The following TRIM24 variants were observed in gnomAD, a reference collection of about 807,000 sequenced individuals.
The protein encoded by TRIM24 is tripartite motif containing 24.
A neutral mutation model predicts 123.9 loss-of-function variants in TRIM24; 29 were observed. The observed-to-expected ratio is 0.23, with a 90% CI of 0.17 to 0.32. TRIM24 has a LOEUF of 0.32. Ranked by LOEUF, TRIM24 falls within the 10% of genes least tolerant of loss-of-function variation. The pLI, the probability that TRIM24 is intolerant of heterozygous loss-of-function variation, is 1.00. For synonymous variants in TRIM24, 456 were observed against 461.1 expected, an observed-to-expected ratio of 0.99 and a Z score of 0.14; for missense variants, 932 against 1,295.3, an observed-to-expected ratio of 0.72 and a Z score of 4.31.
At position 138,538,775 on chromosome 7, in the gene TRIM24, G is replaced by A. The variant is rs757800938; in HGVS notation, c.1115G>A (p.Ser372Asn). Residue 372 changes from serine to asparagine, a missense_variant, in exon 7 of 19, where the codon AGT becomes AAT. Transcript: ENST00000343526. Reference protein sequence around the residue: ...FSKWAVSSGSSTALLYSKRLI... With the variant: ...FSKWAVSSGSNTALLYSKRLI... ...AAATGGGCAGTTTCCAGTGGCAGCA[G>A]TACAGCATTACTTTATAGCAAACGA... 1 of 1,613,724 alleles carries A rather than the reference G, an allele frequency of 6.2e-7. No homozygotes were observed. Among genetic ancestry groups the A allele is most frequent in the Non-Finnish European group, 8.5e-7 (1 of 1,179,784 alleles).
At chr7:138,577,299 C>G (rs1407468143) in intron 13 of TRIM24, 121 bp from the exon 14 acceptor site, 1 of 703,150 alleles carries the variant, frequency 1.4e-6, no homozygotes, top group Non-Finnish European at 2.1e-6. Flanking sequence ...TCATTAATTG[C>G]TGATGTTAAC....
intron 2 of TRIM24, among the ~76,000 whole-genome samples, chr7:138,508,037 G>A (rs1352030737): frequency 6.6e-6 from 1 of 151,874 alleles, no homozygotes; most frequent in East Asian, 1.9e-4. Flanking sequence ...TTTAAACAAT[G>A]GTTTGTTTCT....
intron 12 of TRIM24, among the ~76,000 whole-genome samples, chr7:138,574,663 C>T (rs1019596657): frequency 6.6e-6 from 1 of 152,054 alleles, no homozygotes; most frequent in Admixed American, 6.6e-5. Flanking sequence ...TAAAAATAGT[C>T]ATTGAGAATG....
intron 5 of TRIM24, among the ~76,000 whole-genome samples, chr7:138,527,130 A>G (rs986034060): frequency 6.6e-6 from 1 of 152,114 alleles, no homozygotes; most frequent in Non-Finnish European, 1.5e-5. Context: ...ACCTTTATAG[A>G]CCATATATAT....
At chr7:138,508,711 G>GTGCGTGTA (rs1346962400) in intron 2 of TRIM24, among the ~76,000 whole-genome samples, 1 of 140,424 alleles carries the variant, frequency 7.1e-6, no homozygotes, top group African/African-American at 2.6e-5. Context: ...GTGTGTGCGT[G>GTGCGTGTA]TGTGTGTGCG....
intron 11 of TRIM24, among the ~76,000 whole-genome samples, chr7:138,572,047 G>A (rs1281424018): frequency 6.6e-6 from 1 of 151,986 alleles, no homozygotes; most frequent in East Asian, 1.9e-4. Context: ...TCTTTACTTG[G>A]ATCAAATTAC....
rs757861748 is a variant in TRIM24, at chr7:138,579,522, A to G, written c.2575A>G (p.Asn859Asp). The stretch of plus-strand genomic sequence containing the variant: ...TTCTTGTCATGTGCCCACATTGACA[A>G]ATTTTCCAAGGTAAGATAGTACTTC... ...HLSCHVPTLT[N>D]FPSGEWICTF... Residue 859 changes from asparagine (N) to aspartate (D), a missense_variant, in exon 15 of 19, where the codon AAT (asparagine) becomes GAT (aspartate). Asn to Asp is a conservative substitution (Grantham distance 23). Coordinates refer to ENST00000343526, the MANE Select transcript of TRIM24 (RefSeq NM_015905.3). The G allele has an allele frequency of 9.4e-6, 15 of 1,601,678 alleles. No homozygotes were observed. Among genetic ancestry groups the G allele is most frequent in the South Asian group, 2.2e-5 (2 of 89,352 alleles).
chr7:138,543,073 T>C (rs75948523), intron 7 of TRIM24, among the ~76,000 whole-genome samples: 3,309 of 152,306 alleles, frequency 0.022, 102 homozygotes, highest in African/African-American at 0.073. Context: ...GACACATTCA[T>C]GCAATCAGAT....
chr7:138,464,535 G>A (rs1195431496), intron 1 of TRIM24, among the ~76,000 whole-genome samples: 3 of 151,814 alleles, frequency 2.0e-5, no homozygotes, highest in African/African-American at 7.3e-5. Flanking sequence ...GTGAGTGCAG[G>A]GCAAGTATTG....
At chr7:138,491,903 C>T (rs769512709) in intron 1 of TRIM24, among the ~76,000 whole-genome samples, 20 of 150,452 alleles carry the variant, frequency 1.3e-4, no homozygotes, top group Non-Finnish European at 2.7e-4. Flanking sequence ...TTTTGATTTG[C>T]ATTTCCCAAA....
intron 9 of TRIM24, among the ~76,000 whole-genome samples, chr7:138,557,673 A>G (rs1418844275): frequency 6.6e-6 from 1 of 152,106 alleles, no homozygotes; most frequent in Non-Finnish European, 1.5e-5. Context: ...ATTGTCATCA[A>G]TTTCTAGGCA....
chr7:138,472,481 C>T (rs1795292803), intron 1 of TRIM24, among the ~76,000 whole-genome samples: 1 of 152,092 alleles, frequency 6.6e-6, no homozygotes, highest in Non-Finnish European at 1.5e-5. Flanking sequence ...CTGAGCCCCC[C>T]ACTGATTTCT....
At chr7:138,465,465 T>A (rs1236990612) in intron 1 of TRIM24, among the ~76,000 whole-genome samples, 1 of 152,226 alleles carries the variant, frequency 6.6e-6, no homozygotes, top group Admixed American at 6.5e-5. Flanking sequence ...AGCAGTTTTT[T>A]CCTCTCTACC....
chr7:138,521,967 T>C (rs6467780), intron 4 of TRIM24, among the ~76,000 whole-genome samples: 122,208 of 152,054 alleles, frequency 0.8, 49,390 homozygotes, highest in African/African-American at 0.83. Flanking sequence ...TACCACTTTA[T>C]GCAATAATTG....
intron 1 of TRIM24, chr7:138,491,108 T>C (rs1431309679): frequency 1.1e-4 from 31 of 282,274 alleles, no homozygotes; most frequent in Non-Finnish European, 2.0e-4. Context: ...CTGAACATCT[T>C]TGATAATCAG....
chr7:138,517,855 TCTTTCTCTCTTG>T (rs1381270750), intron 3 of TRIM24, among the ~76,000 whole-genome samples: 1 of 152,218 alleles, frequency 6.6e-6, no homozygotes, highest in Non-Finnish European at 1.5e-5. Flanking sequence ...GTGTCTTCTC[TCTTTCTCTCTTG>T]CTTTCTCTCT....
intron 9 of TRIM24, among the ~76,000 whole-genome samples, chr7:138,559,699 G>A (rs1797386603): frequency 6.6e-6 from 1 of 152,148 alleles, no homozygotes; most frequent in Non-Finnish European, 1.5e-5. Flanking sequence ...GATGGTCTGG[G>A]TCCTGTTGGC....
chr7:138,555,190 G>T (rs936624044), intron 9 of TRIM24, among the ~76,000 whole-genome samples: 37 of 152,232 alleles, frequency 2.4e-4, no homozygotes, highest in African/African-American at 8.2e-4. Context: ...ACCCTTCATT[G>T]TCTTTAAATT....
intron 9 of TRIM24, among the ~76,000 whole-genome samples, chr7:138,564,236 G>T (rs1219012078): frequency 2.6e-5 from 4 of 152,138 alleles, no homozygotes; most frequent in African/African-American, 9.7e-5. Flanking sequence ...GGGTCCCCGT[G>T]TCTCCCTAAG....
Sources: gnomAD v4.1 joint callset for allele counts (sites outside exome capture counted in the v4.1 genomes callset) on GRCh38, gnomAD v4.1.1 for gene constraint, MANE v1.5 for transcripts, NCBI Gene and HGNC (gene_info 2026-07-23, HGNC 2026-07-21) for gene names.